C2CD3: variants seen among roughly 807,000 people sequenced by gnomAD.
C2CD3 encodes C2 domain containing 3 centriole elongation regulator.
Under a neutral mutation model 234.0 loss-of-function variants are expected in C2CD3, and 148 were observed. That is an observed-to-expected ratio of 0.63 (90% CI 0.55 to 0.72). The LOEUF (loss-of-function observed/expected upper bound fraction) is 0.72, where lower values mean the gene tolerates loss of function less well. Among genes scored for constraint, C2CD3 ranks in the 30% least tolerant of loss-of-function variants. The pLI is 0.00. For missense variants in C2CD3, 2,577 were observed against 2,811.5 expected (o/e 0.92, Z 1.89); for synonymous variants, 1,000 against 1,035.4 (o/e 0.97, Z 0.66).
Position 74,034,027 on chromosome 11 carries a change from T to A in C2CD3, c.6133A>T (p.Thr2045Ser). The change falls in exon 31 of 33, where the codon ACA (threonine) becomes TCA (serine). Residue 2045 changes from threonine (T) to serine (S), a missense_variant. By Grantham distance (58) the Thr-to-Ser change is moderately conservative. Transcript: ENST00000334126. The part of the protein sequence containing the change: ...HESLRHAVPI[T>S]RMQSSEDTEA... Reference sequence around the variant, plus strand: ...GTGTCTTCACTGCTCTGCATCCTTGTAATGGGTACTGCATGCCTCAGGGAC... The same window carrying A: ...GTGTCTTCACTGCTCTGCATCCTTGAAATGGGTACTGCATGCCTCAGGGAC... 6.5e-7 allele frequency: 1 copy of A among 1,536,532 alleles called. No homozygotes were observed. The highest frequency in any genetic ancestry group is 8.7e-7 in the Non-Finnish European group (1 of 1,146,990).
chr11:74,098,048 G>A lies in C2CD3; in HGVS notation c.2940C>T (p.Ala980=), dbSNP rs377101067. ...GTLPPFSPRP[A]HFLDQPTAAS... Reference sequence around the variant, plus strand: ...CTGCAGTTGGCTGGTCCAGGAAATGGGCTGGCCTAGGGCTGAAGGGAGGGA... The same window carrying A: ...CTGCAGTTGGCTGGTCCAGGAAATGAGCTGGCCTAGGGCTGAAGGGAGGGA... The change falls in exon 16 of 33, where the codon GCC becomes GCT. Residue 980 remains alanine (A), a synonymous_variant. Coordinates refer to ENST00000334126, the MANE Select transcript of C2CD3 (RefSeq NM_001286577.2). 1 of 1,613,978 alleles carries A rather than the reference G, an allele frequency of 6.2e-7. No individual in the cohort carries two copies. Among genetic ancestry groups the A allele is most frequent in the Non-Finnish European group, 8.5e-7 (1 of 1,179,962 alleles).
chr11:74,085,063 C>G, intron 21 of C2CD3, 93 bp from the exon 22 acceptor site: 1 of 656,454 alleles, frequency 1.5e-6, no homozygotes, highest in Non-Finnish European at 2.7e-6. Context: ...CCCTTATATG[C>G]ACTAAATCTT....
At chr11:74,043,021 T>C (rs1953150106) in intron 28 of C2CD3, among the ~76,000 whole-genome samples, 1 of 152,236 alleles carries the variant, frequency 6.6e-6, no homozygotes, top group African/African-American at 2.4e-5. Flanking sequence ...TCACATGCCA[T>C]ACAATTCACC....
At position 74,122,881 on chromosome 11, in the gene C2CD3, TTAAG is replaced by T. The variant is rs1957264001; in HGVS notation, c.1365+103_1365+106del. On this transcript the variant is annotated intron_variant, in intron 8 of 32. Transcript: ENST00000334126. ...TTTCCTCTTGAGGTTGTCATTAAAA[TTAAG>T]TAAGGTAAGTTATGTAAAATGCATA... The T allele has an allele frequency of 1.3e-5, 10 of 786,690 alleles. No homozygotes were observed. In the South Asian group the frequency reaches 1.8e-4, roughly 14 times the overall value. The allele number at this position is 786,690 out of a possible 1,614,324, so 48.7% of individuals were successfully genotyped here. A position where few individuals can be genotyped will look rare whatever the true frequency, so the allele number is the denominator to read the frequency against.
Position 74,161,455 on chromosome 11 carries a change from T to C in C2CD3, c.427A>G (p.Ile143Val). 1.9e-6 allele frequency: 3 copies of C among 1,601,644 alleles called. No homozygotes were observed. The highest frequency in any genetic ancestry group is 2.7e-5 in the African/African-American group (2 of 74,300). The change falls in exon 3 of 33, where the codon ATC becomes GTC. Residue 143 changes from isoleucine to valine, a missense_variant. Ile to Val is a conservative substitution (Grantham distance 29). Transcript: ENST00000334126. The stretch of plus-strand genomic sequence containing the variant: ...GAAACAATGGTAAAAAATCCATTGA[T>C]TTGATGGGTTGGAGAAAGTTGAGCT... Reference protein sequence around the residue: ...GLAQLSPTHQINGFFTIVSST... With the variant: ...GLAQLSPTHQVNGFFTIVSST...
rs148807934 is a variant in C2CD3, at chr11:74,098,774, T to C, written c.2733-519A>G. 4.9e-3 allele frequency among the ~76,000 whole-genome samples: 746 copies of C among 152,324 alleles called. 23 individuals are homozygous for C. The highest frequency in any genetic ancestry group is 3.4e-3 in the Middle Eastern group (1 of 294). On this transcript the variant is annotated intron_variant, in intron 15 of 32. Coordinates refer to ENST00000334126, the MANE Select transcript of C2CD3 (RefSeq NM_001286577.2). ...CCAAATTTAAAGAGGTTAAGTAACTTAGCTAAGGATACACAACTAGTAGGA... is the reference window on the plus strand; with the variant it reads ...CCAAATTTAAAGAGGTTAAGTAACTCAGCTAAGGATACACAACTAGTAGGA...
chr11:74,144,013 G>A (rs1284613390), intron 3 of C2CD3, among the ~76,000 whole-genome samples: 4 of 152,162 alleles, frequency 2.6e-5, no homozygotes, highest in African/African-American at 9.7e-5. Flanking sequence ...AATATGTGTA[G>A]AGTTGTTCAC....
chr11:74,028,235 G>T, intron 32 of C2CD3, 52 bp downstream of exon 32: 2 of 1,299,166 alleles, frequency 1.5e-6, no homozygotes, highest in Non-Finnish European at 2.1e-6. Flanking sequence ...GCACACTTCT[G>T]TGGAAGAGAT....
intron 24 of C2CD3, among the ~76,000 whole-genome samples, chr11:74,065,876 G>C (rs1363284526): frequency 1.5e-5 from 2 of 132,050 alleles, no homozygotes; most frequent in African/African-American, 5.7e-5. Flanking sequence ...AGAACACTTG[G>C]ACACAGGAAG....
At chr11:74,077,820 TATATATATATATATATATATATATATTA>T (rs1565263246) in intron 23 of C2CD3, among the ~76,000 whole-genome samples, 3 of 20,540 alleles carry the variant, frequency 1.5e-4, no homozygotes, top group Non-Finnish European at 1.7e-4. Context: ...TATATATATA[TATATATATATATATATATATATATATTA>T]TCTCTTTAGT....
In C2CD3 at chr11:74,080,489, A is replaced by T. The variant is rs1955298468; in HGVS notation, c.4001-1772T>A. Among the ~76,000 whole-genome samples the T allele has an allele frequency of 2.6e-5, 4 of 152,346 alleles. No homozygotes were observed. The South Asian group carries it at 8.3e-4, about 32-fold the overall frequency. Reference sequence around the variant, plus strand: ...AATGAAAGCTATTATGCCCCCCAAAATAAACAAATATGTGTAGACACAAAA... The same window carrying T: ...AATGAAAGCTATTATGCCCCCCAAATTAAACAAATATGTGTAGACACAAAA... On this transcript the variant is annotated intron_variant, in intron 22 of 32. Transcript: ENST00000334126.
At chr11:74,094,674 G>A (rs758535689) in intron 17 of C2CD3, among the ~76,000 whole-genome samples, 11 of 152,156 alleles carry the variant, frequency 7.2e-5, no homozygotes, top group Non-Finnish European at 1.2e-4. Context: ...CTTGGCACTT[G>A]TTAGTGGGGC....
At chr11:74,097,958 A>G (rs776345828) in intron 16 of C2CD3, 51 bp downstream of exon 16, 1 of 1,569,064 alleles carries the variant, frequency 6.4e-7, no homozygotes, top group South Asian at 1.2e-5. Context: ...TCACTAAAAT[A>G]TGCAAGAGAA....
At chr11:74,149,440 A>T (rs1855447992) in intron 3 of C2CD3, among the ~76,000 whole-genome samples, 1 of 152,094 alleles carries the variant, frequency 6.6e-6, no homozygotes, top group South Asian at 2.1e-4. Flanking sequence ...GGCTCAAGTG[A>T]TTCTACTGCC....
At chr11:74,090,604 C>A (rs530644926) in intron 20 of C2CD3, among the ~76,000 whole-genome samples, 5 of 152,064 alleles carry the variant, frequency 3.3e-5, no homozygotes, top group African/African-American at 4.8e-5. Flanking sequence ...AATTGTTGGG[C>A]AAGGTCAAGG....
At chr11:74,120,298 C>T (rs1487139913) in intron 8 of C2CD3, among the ~76,000 whole-genome samples, 2 of 152,066 alleles carry the variant, frequency 1.3e-5, no homozygotes, top group Admixed American at 6.5e-5. Flanking sequence ...ACCCTACAGG[C>T]CCTGGTGTGT....
intron 2 of C2CD3, 148 bp downstream of exon 2, chr11:74,168,196 A>G: frequency 1.5e-6 from 1 of 653,376 alleles, no homozygotes; most frequent in Non-Finnish European, 2.6e-6. Flanking sequence ...TAAATTTACA[A>G]AGAAAAATGT....
At chr11:74,146,711 C>CACACACACAT (rs1491233261) in intron 3 of C2CD3, among the ~76,000 whole-genome samples, 6 of 16,888 alleles carry the variant, frequency 3.6e-4, no homozygotes, top group South Asian at 2.0e-3. Context: ...AAAGTCAAAC[C>CACACACACAT]ACACACACAC....
At chr11:74,058,823 T>C (rs1954079059) in intron 24 of C2CD3, among the ~76,000 whole-genome samples, 1 of 151,958 alleles carries the variant, frequency 6.6e-6, no homozygotes, top group African/African-American at 2.4e-5. Context: ...CATGTGGCCA[T>C]TCACCTTTAA....
Sources: gnomAD v4.1 joint callset for allele counts (sites outside exome capture counted in the v4.1 genomes callset) on GRCh38, gnomAD v4.1.1 for gene constraint, MANE v1.5 for transcripts, NCBI Gene and HGNC (gene_info 2026-07-23, HGNC 2026-07-21) for gene names.